The following ITFG1 variants were observed in gnomAD, a reference collection of about 807,000 sequenced individuals.
The protein encoded by ITFG1 is T-cell immunomodulatory protein.
Under a neutral mutation model 81.8 loss-of-function variants are expected in ITFG1, and 34 were observed. The ratio of observed to expected loss-of-function variants is 0.42; its 90% CI spans 0.32 to 0.55. The LOEUF is 0.55. Ranked by LOEUF, ITFG1 falls within the 20% of genes least tolerant of loss-of-function variation. The pLI is 0.17. For missense variants in ITFG1, 672 were observed against 755.4 expected (o/e 0.89, Z 1.29); for synonymous variants, 285 against 270.6 (o/e 1.05, Z -0.52).
intron 13 of ITFG1, among the ~76,000 whole-genome samples, chr16:47,232,324 G>C (rs867699516): frequency 6.6e-6 from 1 of 152,214 alleles, no homozygotes; most frequent in South Asian, 2.1e-4. Context: ...AATTACTGTA[G>C]ATAGTTGAAG....
intron 8 of ITFG1, among the ~76,000 whole-genome samples, chr16:47,348,606 G>A (rs953265047): frequency 1.6e-4 from 25 of 152,156 alleles, no homozygotes; most frequent in African/African-American, 5.8e-4. Context: ...AAAGTGATAG[G>A]GAGAATGGAA....
At chr16:47,344,176 T>C (rs958415810) in intron 8 of ITFG1, among the ~76,000 whole-genome samples, 5 of 152,204 alleles carry the variant, frequency 3.3e-5, no homozygotes, top group Non-Finnish European at 7.4e-5. Context: ...GAAAAAGTTC[T>C]GAAAATACAT....
At chr16:47,318,597 A>G (rs1429058288) in intron 8 of ITFG1, among the ~76,000 whole-genome samples, 1 of 152,126 alleles carries the variant, frequency 6.6e-6, no homozygotes, top group African/African-American at 2.4e-5. Context: ...TACTCTGAAA[A>G]ACTGAAGACC....
chr16:47,199,286 C>CAAACCAAACT (rs1473459820), intron 14 of ITFG1, among the ~76,000 whole-genome samples: 1 of 151,916 alleles, frequency 6.6e-6, no homozygotes, highest in African/African-American at 2.4e-5. Context: ...CAAACCAAAC[C>CAAACCAAACT]AAACCAAAAC....
chr16:47,185,948 A>C (rs1965207199), intron 14 of ITFG1, among the ~76,000 whole-genome samples: 2 of 152,260 alleles, frequency 1.3e-5, no homozygotes, highest in African/African-American at 4.8e-5. Context: ...ATCCCACAGA[A>C]ATACAAACTA....
At chr16:47,287,953 T>A (rs945184091) in intron 10 of ITFG1, among the ~76,000 whole-genome samples, 8 of 152,212 alleles carry the variant, frequency 5.3e-5, no homozygotes, top group Non-Finnish European at 1.2e-4. Flanking sequence ...TATACAGTGT[T>A]ATCCACATAT....
At chr16:47,428,352 G>T (rs1969049797) in intron 6 of ITFG1, among the ~76,000 whole-genome samples, 1 of 152,028 alleles carries the variant, frequency 6.6e-6, no homozygotes. Flanking sequence ...CTAGGTGACG[G>T]TTAAATGTGC....
chr16:47,436,472 C>T (rs549811317), intron 5 of ITFG1, among the ~76,000 whole-genome samples: 13 of 151,976 alleles, frequency 8.6e-5, no homozygotes, highest in Non-Finnish European at 1.3e-4. Flanking sequence ...TTATTGGAAA[C>T]GCATTTTTAA....
At chr16:47,454,911 A>G (rs1969433211) in intron 2 of ITFG1, among the ~76,000 whole-genome samples, 1 of 152,248 alleles carries the variant, frequency 6.6e-6, no homozygotes, top group Admixed American at 6.5e-5. Flanking sequence ...GCAAGACAGC[A>G]AATTTCCAAT....
rs1251492340 is a variant in ITFG1 at position 47,185,719 on chromosome 16, C to G, written c.1454-23055G>C. ...AAAGAACTAGAAAAGCAAGAGCAAA[C>G]ACATTCAAAAGCTAGCAGAAGGTAA... On this transcript the variant is annotated intron_variant, in intron 14 of 17. Transcript: ENST00000320640. 9.2e-5 allele frequency among the ~76,000 whole-genome samples: 14 copies of G among 152,262 alleles called. No homozygotes were observed. The South Asian group carries it at 2.5e-3, about 27-fold the overall frequency.
chr16:47,288,964 G>A (rs1470608868), intron 10 of ITFG1, among the ~76,000 whole-genome samples: 3 of 152,078 alleles, frequency 2.0e-5, no homozygotes, highest in South Asian at 2.1e-4. Flanking sequence ...ACTTTTCCTC[G>A]TGTAGTATAA....
At chr16:47,195,151 C>T (rs1476837477) in intron 14 of ITFG1, among the ~76,000 whole-genome samples, 1 of 151,960 alleles carries the variant, frequency 6.6e-6, no homozygotes, top group Non-Finnish European at 1.5e-5. Flanking sequence ...TTTTATTTTT[C>T]CTACCCCTTA....
At chr16:47,286,067 T>C (rs1191919301) in intron 10 of ITFG1, among the ~76,000 whole-genome samples, 4 of 152,156 alleles carry the variant, frequency 2.6e-5, no homozygotes, top group African/African-American at 7.2e-5. Context: ...ACATCACTGC[T>C]TGGGGCAAGT....
At chr16:47,229,955 T>C (rs759433059) in intron 13 of ITFG1, among the ~76,000 whole-genome samples, 13 of 152,212 alleles carry the variant, frequency 8.5e-5, no homozygotes, top group Non-Finnish European at 1.8e-4. Flanking sequence ...TATTACAGTA[T>C]ATTGTTATAA....
intron 14 of ITFG1, among the ~76,000 whole-genome samples, chr16:47,179,290 C>A (rs375036805): frequency 1.3e-5 from 2 of 152,186 alleles, no homozygotes; most frequent in South Asian, 2.1e-4. Flanking sequence ...ATGTTTATTG[C>A]GGCATTATTC....
intron 13 of ITFG1, among the ~76,000 whole-genome samples, chr16:47,221,488 G>C (rs1965690700): frequency 6.6e-6 from 1 of 152,166 alleles, no homozygotes; most frequent in Non-Finnish European, 1.5e-5. Context: ...CGGTTTGCCA[G>C]TATTTTTTGA....
rs546248663 is a variant in ITFG1, at chr16:47,379,651, C to G, written c.656-3711G>C. On this transcript the variant is annotated intron_variant, in intron 6 of 17. Coordinates refer to ENST00000320640, the MANE Select transcript of ITFG1 (RefSeq NM_030790.5). ...AGTGAGCCGAGATGGCGCCACTGTA[C>G]TCCAGCTTGGGTGACAAGGGCGAGA... 1.4e-4 allele frequency among the ~76,000 whole-genome samples: 21 copies of G among 150,468 alleles called. No homozygotes were observed. The South Asian group carries it at 4.2e-3, about 30-fold the overall frequency.
chr16:47,425,155 A>T (rs1418712157), intron 6 of ITFG1, among the ~76,000 whole-genome samples: 1 of 152,036 alleles, frequency 6.6e-6, no homozygotes, highest in Non-Finnish European at 1.5e-5. Flanking sequence ...GCAATGGTGG[A>T]TGCTCTTCTC....
At position 47,183,494 on chromosome 16, in the gene ITFG1, G is replaced by A. The variant is rs572356188; in HGVS notation, c.1454-20830C>T. Among the ~76,000 whole-genome samples the A allele has an allele frequency of 3.3e-5, 5 of 152,320 alleles. No homozygotes were observed. The South Asian group carries it at 1.0e-3, about 32-fold the overall frequency. Reference sequence around the variant, plus strand: ...ACCCCTGACCCCTGACCCCCAGGCAGCCTAACTGGGAGGCACCGCCCAGCA... The same window carrying A: ...ACCCCTGACCCCTGACCCCCAGGCAACCTAACTGGGAGGCACCGCCCAGCA... On this transcript the variant is annotated intron_variant, in intron 14 of 17. Coordinates refer to ENST00000320640, the MANE Select transcript of ITFG1 (RefSeq NM_030790.5).
Sources: allele counts gnomAD v4.1 joint callset (sites outside exome capture counted in the v4.1 genomes callset), GRCh38; gene constraint gnomAD v4.1.1; transcripts MANE v1.5; gene names NCBI Gene and HGNC (gene_info 2026-07-23, HGNC 2026-07-21).